The following GPRIN1 variants were observed in gnomAD, a reference collection of about 807,000 sequenced individuals.
GPRIN1 encodes G protein regulated inducer of neurite outgrowth 1.
GPRIN1 carries 4 observed loss-of-function variants against 2.8 expected under a neutral mutation model. The ratio of observed to expected loss-of-function variants is 1.45; its 90% confidence interval spans 0.71 to 3.32. The LOEUF (loss-of-function observed/expected upper bound fraction) is 3.32, where lower values mean the gene tolerates loss of function less well. Among genes scored for constraint, GPRIN1 ranks in the 30% most tolerant of loss-of-function variants. The pLI is 0.01. For synonymous variants in GPRIN1, 589 were observed against 589.9 expected (o/e 1.00, Z 0.02); for missense variants, 1,322 against 1,343.4 (o/e 0.98, Z 0.25).
intron 1 of GPRIN1, among the ~76,000 whole-genome samples, chr5:176,607,247 C>G (rs1034074835): frequency 6.6e-6 from 1 of 152,204 alleles, no homozygotes; most frequent in Non-Finnish European, 1.5e-5. Flanking sequence ...GATCCTCGAG[C>G]TGCTTCTCTG....
In GPRIN1 at chr5:176,602,637, G is replaced by A. The variant is rs962728337; in HGVS notation, c.-43-2760C>T. 2.0e-5 allele frequency among the ~76,000 whole-genome samples: 3 copies of A among 152,100 alleles called. No homozygotes were observed. The highest frequency in any genetic ancestry group is 1.9e-4 in the East Asian group (1 of 5,188). ...ATCAATTTCTATCAAAGTTTACAAC[G>A]CGCATAGCATTTGAGCCACCAAGCC... On this transcript the variant is annotated intron_variant, in intron 1 of 1. Transcript: ENST00000303991. The surrounding 1 kb of genome is among the most constrained non-coding windows in gnomAD (Gnocchi z 4.4).
Position 176,597,632 on chromosome 5 carries a change from C to T in GPRIN1, c.2203G>A (p.Ala735Thr), listed in dbSNP as rs976526329. The change falls in exon 2 of 2, where the codon GCC becomes ACC. Residue 735 changes from alanine (A) to threonine (T), a missense_variant. Physicochemically the swap from Ala to Thr is moderately conservative, Grantham distance 58. Transcript: ENST00000303991. This position sits in a 1 kb window ranked among gnomAD's most constrained non-coding sequence, Gnocchi z 6.1. The part of the protein sequence containing the change: ...RQLDRKALGS[A>T]RSPEGARGSE... ...CCCCTGGCACCCTCGGGAGACCGGG[C>T]TGAGCCGAGGGCTTTGCGGTCTAAC... The T allele has an allele frequency of 6.2e-7, 1 of 1,601,194 alleles. No individual in the cohort carries two copies.
Position 176,597,970 on chromosome 5 carries a change from G to A in GPRIN1, c.1865C>T (p.Ala622Val), listed in dbSNP as rs770516395. The A allele has an allele frequency of 6.2e-5, 100 of 1,613,814 alleles. No homozygotes were observed. Among genetic ancestry groups the A allele is most frequent in the Non-Finnish European group, 8.1e-5 (96 of 1,179,990 alleles). Reference sequence around the variant, plus strand: ...TGCTTTCCCCGAGGCCCTGGGATCCGCCTTTGTGGTGGTAACAGGACTCCC... The same window carrying A: ...TGCTTTCCCCGAGGCCCTGGGATCCACCTTTGTGGTGGTAACAGGACTCCC... ...EKGSPVTTTK[A>V]DPRASGKAQP... is the part of the protein sequence containing the mutation. The change falls in exon 2 of 2, where the codon GCG becomes GTG. Residue 622 changes from alanine to valine, a missense_variant. This residue lies in a region of GPRIN1 where 1,117 missense variants were observed against 1,128.6 expected (regional missense o/e 0.99). Coordinates refer to ENST00000303991, the MANE Select transcript of GPRIN1 (RefSeq NM_052899.3). This position sits in a 1 kb window ranked among gnomAD's most constrained non-coding sequence, Gnocchi z 6.1.
At chr5:176,603,257 C>T (rs990975198) in intron 1 of GPRIN1, among the ~76,000 whole-genome samples, 12 of 152,052 alleles carry the variant, frequency 7.9e-5, no homozygotes, top group African/African-American at 2.9e-4. Context: ...TACACACTCT[C>T]TCTCTCCCCC....
At position 176,610,065 on chromosome 5, in the gene GPRIN1, C is replaced by A. The variant is rs1759292772; in HGVS notation, c.-110G>T. 2.0e-5 allele frequency: 3 copies of A among 153,530 alleles called. No homozygotes were observed. In the South Asian group the frequency reaches 5.3e-4, roughly 27 times the overall value. 9.5% of individuals were successfully genotyped at this position (153,530 alleles called of 1,614,324 possible). A position where few individuals can be genotyped will look rare whatever the true frequency, so the allele number is the denominator to read the frequency against. ...CGGCTCCCGCCGCCGCCGCCGCCGC[C>A]GCCCGAGCGGCCTCGGCTGCCTCCG... On this transcript the variant is annotated 5_prime_UTR_variant, in exon 1 of 2. Transcript: ENST00000303991.
intron 1 of GPRIN1, among the ~76,000 whole-genome samples, chr5:176,609,472 G>A (rs552053884): frequency 4.6e-5 from 7 of 152,326 alleles, no homozygotes; most frequent in Admixed American, 3.9e-4. Flanking sequence ...GAAATGAGGC[G>A]CCCGTGCGTG....
Position 176,597,026 on chromosome 5 carries a change from C to G in GPRIN1, c.2809G>C (p.Ala937Pro). ...TGTCGCTCCAGATGCTTCTGGATGG[C>G]CATGCCCAGCACCTCCACCTCCATG... Reference protein sequence around the residue: ...AAMEVEVLGMAIQKHLERQIE... With the variant: ...AAMEVEVLGMPIQKHLERQIE... The change falls in exon 2 of 2, where the codon GCC becomes CCC. Residue 937 changes from alanine to proline, a missense_variant. Physicochemically the swap from Ala to Pro is conservative, Grantham distance 27 (BLOSUM62 -1). Transcript: ENST00000303991. This position sits in a 1 kb window ranked among gnomAD's most constrained non-coding sequence, Gnocchi z 6.1. 6.7e-7 allele frequency: 1 copy of G among 1,493,824 alleles called. No homozygotes were observed. The highest frequency in any genetic ancestry group is 8.9e-7 in the Non-Finnish European group (1 of 1,118,206). 92.5% of individuals were successfully genotyped at this position (1,493,824 alleles called of 1,614,324 possible). A position where few individuals can be genotyped will look rare whatever the true frequency, so the allele number is the denominator to read the frequency against.
rs1338456812 is a variant in GPRIN1 at position 176,597,666 on chromosome 5, G to C, written c.2169C>G (p.Ser723=). 1.9e-6 allele frequency: 3 copies of C among 1,595,454 alleles called. No homozygotes were observed. The highest frequency in any genetic ancestry group is 1.7e-6 in the Non-Finnish European group (2 of 1,172,532). The part of the protein sequence containing the change: ...LSLEKTKPSS[S]SRQLDRKALG... ...GGGCTTTGCGGTCTAACTGCCTGGA[G>C]GAGGAGGACGGCTTGGTCTTCTCCA... The change falls in exon 2 of 2, where the codon TCC becomes TCG. Residue 723 remains serine, a synonymous_variant. Transcript: ENST00000303991. This position sits in a 1 kb window ranked among gnomAD's most constrained non-coding sequence, Gnocchi z 6.1.
At position 176,597,343 on chromosome 5, in the gene GPRIN1, G is replaced by A. The variant is rs1581156032; in HGVS notation, c.2492C>T (p.Pro831Leu). The A allele has an allele frequency of 1.6e-6, 2 of 1,247,818 alleles. No individual in the cohort carries two copies. The highest frequency in any genetic ancestry group is 2.0e-6 in the Non-Finnish European group (2 of 998,304). 77.3% of individuals were successfully genotyped at this position (1,247,818 alleles called of 1,614,324 possible). A position where few individuals can be genotyped will look rare whatever the true frequency, so the allele number is the denominator to read the frequency against. The change falls in exon 2 of 2, where the codon CCG (proline) becomes CTG (leucine). Residue 831 changes from proline (P) to leucine (L), a missense_variant. Pro to Leu is a moderately conservative substitution (Grantham distance 98). Around this residue, in one of 3 missense-constraint regions of GPRIN1, gnomAD observed 1,117 missense variants for 1,128.6 expected, o/e 0.99. Coordinates refer to ENST00000303991, the MANE Select transcript of GPRIN1 (RefSeq NM_052899.3). This position sits in a 1 kb window ranked among gnomAD's most constrained non-coding sequence, Gnocchi z 6.1. Reference protein sequence around the residue: ...CVSVAVSPMSPQDGAGGSAFS... With the variant: ...CVSVAVSPMSLQDGAGGSAFS... ...GGCCGAGCCCCCAGCGCCGTCCTGC[G>A]GAGACATGGGGCTCACGGCCACTGA...
At chr5:176,600,868 A>G (rs1349693505) in intron 1 of GPRIN1, among the ~76,000 whole-genome samples, 1 of 152,190 alleles carries the variant, frequency 6.6e-6, no homozygotes, top group African/African-American at 2.4e-5. Context: ...GTGAGCCAAG[A>G]TCGTGCCACT....
rs565850645 is a variant in GPRIN1, at chr5:176,597,838, G to A, written c.1997C>T (p.Ala666Val). ...GGATCCAGGATCCACCTTCTCTGAG[G>A]CCTGTGGTGTCTCCTTTTTCAAACA... ...AVCLKKETPQASEKVDPGSCR... is the reference protein window; with the variant it reads ...AVCLKKETPQVSEKVDPGSCR... The change falls in exon 2 of 2, where the codon GCC (alanine) becomes GTC (valine). Residue 666 changes from alanine (A) to valine (V), a missense_variant. By Grantham distance (64) the Ala-to-Val change is moderately conservative. Coordinates refer to ENST00000303991, the MANE Select transcript of GPRIN1 (RefSeq NM_052899.3). The surrounding 1 kb of genome is among the most constrained non-coding windows in gnomAD (Gnocchi z 6.1). 1.2e-6 allele frequency: 2 copies of A among 1,613,160 alleles called. No individual in the cohort carries two copies. Among genetic ancestry groups the A allele is most frequent in the South Asian group, 2.2e-5 (2 of 91,026 alleles).
chr5:176,607,037 T>C (rs973653175), intron 1 of GPRIN1, among the ~76,000 whole-genome samples: 3 of 152,220 alleles, frequency 2.0e-5, no homozygotes, highest in African/African-American at 7.2e-5. Flanking sequence ...AGCTTAGTCA[T>C]TGACATCCTC....
At position 176,597,494 on chromosome 5, in the gene GPRIN1, C is replaced by T; in HGVS notation, c.2341G>A (p.Ala781Thr). 1 of 1,373,630 alleles carries T rather than the reference C, an allele frequency of 7.3e-7. No homozygotes were observed. The highest frequency in any genetic ancestry group is 9.4e-7 in the Non-Finnish European group (1 of 1,063,700). The allele number at this position is 1,373,630 out of a possible 1,614,324, so 85.1% of individuals were successfully genotyped here. A position where few individuals can be genotyped will look rare whatever the true frequency, so the allele number is the denominator to read the frequency against. Residue 781 changes from alanine to threonine, a missense_variant, in exon 2 of 2, where the codon GCC becomes ACC. Around this residue, in one of 3 missense-constraint regions of GPRIN1, gnomAD observed 1,117 missense variants for 1,128.6 expected, o/e 0.99. Coordinates refer to ENST00000303991, the MANE Select transcript of GPRIN1 (RefSeq NM_052899.3). The surrounding 1 kb of genome is among the most constrained non-coding windows in gnomAD (Gnocchi z 6.1). ...CGCGGCCCCGGCGGGGGCGCTGCGG[C>T]CTCTGGGCAGGGGCTTCTCTCGGCC... is the stretch of plus-strand genomic sequence containing the variant. ...AGAERSPCPEAAAPPPGPRTR... is the reference protein window; with the variant it reads ...AGAERSPCPETAAPPPGPRTR...
At position 176,599,003 on chromosome 5, in the gene GPRIN1, C is replaced by T. The variant is rs1759101817; in HGVS notation, c.832G>A (p.Ala278Thr). 1 of 1,614,162 alleles carries T rather than the reference C, an allele frequency of 6.2e-7. No homozygotes were observed. Reference sequence around the variant, plus strand: ...GACAATACAAGATCTACCTTTTCTGCAGATGTAGGAGCGACCTTTTCTGAG... The same window carrying T: ...GACAATACAAGATCTACCTTTTCTGTAGATGTAGGAGCGACCTTTTCTGAG... ...VSSEKVAPTSAEKVDLVLSGK... is the reference protein window; with the variant it reads ...VSSEKVAPTSTEKVDLVLSGK... The change falls in exon 2 of 2, where the codon GCA becomes ACA. Residue 278 changes from alanine to threonine, a missense_variant. Ala to Thr is a moderately conservative substitution (Grantham distance 58, BLOSUM62 0). Coordinates refer to ENST00000303991, the MANE Select transcript of GPRIN1 (RefSeq NM_052899.3).
Position 176,596,727 on chromosome 5 carries a change from G to A in GPRIN1, c.*81C>T. ...ACCCCTCGGAGGCCTGTGGCACGCA[G>A]AGGGGACCCCTTCTAGGGGCCTGTG... On this transcript the variant is annotated 3_prime_UTR_variant, in exon 2 of 2. Transcript: ENST00000303991. This position sits in a 1 kb window ranked among gnomAD's most constrained non-coding sequence, Gnocchi z 5.2. 2 of 1,218,702 alleles carry A rather than the reference G, an allele frequency of 1.6e-6. No individual in the cohort carries two copies. Among genetic ancestry groups the A allele is most frequent in the Non-Finnish European group, 2.1e-6 (2 of 954,354 alleles). 75.5% of individuals were successfully genotyped at this position (1,218,702 alleles called of 1,614,324 possible).
At chr5:176,605,636 C>G (rs1358967158) in intron 1 of GPRIN1, among the ~76,000 whole-genome samples, 2 of 151,566 alleles carry the variant, frequency 1.3e-5, no homozygotes, top group Non-Finnish European at 2.9e-5. Flanking sequence ...GATCCCGTCT[C>G]TACAAAAACT....
Position 176,599,037 on chromosome 5 carries a change from A to T in GPRIN1, c.798T>A (p.His266Gln), listed in dbSNP as rs773440349. 2.5e-6 allele frequency: 4 copies of T among 1,614,026 alleles called. No individual in the cohort carries two copies. The Admixed American group carries it at 6.7e-5, about 27-fold the overall frequency. ...KEEPRYSGKE[H>Q]PVSSEKVAPT... Reference sequence around the variant, plus strand: ...GAGCGACCTTTTCTGAGGACACAGGATGCTCTTTTCCTGAATACCTGGGCT... The same window carrying T: ...GAGCGACCTTTTCTGAGGACACAGGTTGCTCTTTTCCTGAATACCTGGGCT... The change falls in exon 2 of 2, where the codon CAT (histidine) becomes CAA (glutamine). Residue 266 changes from histidine (H) to glutamine (Q), a missense_variant. By Grantham distance (24) the His-to-Gln change is conservative. Transcript: ENST00000303991.
At chr5:176,608,241 C>T (rs944085207) in intron 1 of GPRIN1, among the ~76,000 whole-genome samples, 2 of 152,094 alleles carry the variant, frequency 1.3e-5, no homozygotes, top group African/African-American at 4.8e-5. Context: ...TCTCAAAACC[C>T]CCTTTCTGGT....
In GPRIN1 at chr5:176,597,761, C is replaced by G. The variant is rs201336526; in HGVS notation, c.2074G>C (p.Gly692Arg). ...CTGGAAGGTGCAGAGTCGGCTTTCCCCAGGGACACAGGCTCTCCCTTCCCT... is the reference window on the plus strand; with the variant it reads ...CTGGAAGGTGCAGAGTCGGCTTTCCGCAGGGACACAGGCTCTCCCTTCCCT... The part of the protein sequence containing the change: ...ASGKGEPVSL[G>R]KADSAPSRKT... The change falls in exon 2 of 2, where the codon GGG (glycine) becomes CGG (arginine). Residue 692 changes from glycine (G) to arginine (R), a missense_variant. Transcript: ENST00000303991. This position sits in a 1 kb window ranked among gnomAD's most constrained non-coding sequence, Gnocchi z 6.1. 1.1e-5 allele frequency: 18 copies of G among 1,604,408 alleles called. No homozygotes were observed. The highest frequency in any genetic ancestry group is 1.5e-5 in the Non-Finnish European group (18 of 1,175,406).
Sources: gnomAD v4.1 joint callset for allele counts (sites outside exome capture counted in the v4.1 genomes callset) on GRCh38, gnomAD v4.1.1 for gene constraint, gnomAD v4.1.1 regional missense constraint, Gnocchi (gnomAD v3.1) non-coding constraint, MANE v1.5 for transcripts, NCBI Gene and HGNC (gene_info 2026-07-23, HGNC 2026-07-21) for gene names.